PALM: variants seen among roughly 807,000 people sequenced by gnomAD.
The protein encoded by PALM is paralemmin.
PALM carries 18 observed loss-of-function variants against 30.7 expected under a neutral mutation model. That is an observed-to-expected ratio of 0.59 (90% CI 0.41 to 0.87). The LOEUF (loss-of-function observed/expected upper bound fraction) is 0.87, where lower values mean the gene tolerates loss of function less well. Ranked by LOEUF, PALM falls within the 40% of genes least tolerant of loss-of-function variation. The pLI is 0.00. For missense variants in PALM, 529 were observed against 555.4 expected (o/e 0.95, Z 0.48); for synonymous variants, 286 against 242.8 (o/e 1.18, Z -1.66).
chr19:731,483 C>G (rs1172350415), intron 5 of PALM, among the ~76,000 whole-genome samples: 1 of 115,102 alleles, frequency 8.7e-6, no homozygotes, highest in African/African-American at 3.5e-5. Flanking sequence ...GAGCAGCCAC[C>G]GCTGGGGGCA....
chr19:719,566 C>T lies in PALM; in HGVS notation c.6-6572C>T, dbSNP rs537569185. 1.2e-5 allele frequency: 12 copies of T among 986,484 alleles called. No homozygotes were observed. The South Asian group carries it at 4.7e-4, about 39-fold the overall frequency. 61.1% of individuals were successfully genotyped at this position (986,484 alleles called of 1,614,324 possible). The stretch of plus-strand genomic sequence containing the variant: ...CCAGCACCTGCCCCGGGACCCCCAG[C>T]ACCTGCCCTGGGACCCCCAGCAGCA... On this transcript the variant is annotated intron_variant, in intron 1 of 8. Coordinates refer to ENST00000338448, the MANE Select transcript of PALM (RefSeq NM_002579.3).
At chr19:727,226 G>A (rs113794178) in intron 3 of PALM, 138 bp downstream of exon 3, 7,819 of 494,458 alleles carry the variant, frequency 0.016, 367 homozygotes, top group African/African-American at 0.14. Flanking sequence ...CCCTGACCCC[G>A]ACCCTGACCC....
intron 1 of PALM, among the ~76,000 whole-genome samples, chr19:713,255 T>C (rs2032143906): frequency 6.6e-6 from 1 of 152,070 alleles, no homozygotes; most frequent in Admixed American, 6.6e-5. Flanking sequence ...GACGGTGGCC[T>C]TGTCGGTGGT....
intron 1 of PALM, among the ~76,000 whole-genome samples, chr19:721,454 C>T (rs1359526426): frequency 1.3e-5 from 2 of 150,842 alleles, no homozygotes; most frequent in East Asian, 3.9e-4. Flanking sequence ...TTAGTAGAGA[C>T]TGGGTTTTGC....
chr19:716,874 C>T (rs2032278944), intron 1 of PALM, among the ~76,000 whole-genome samples: 1 of 152,132 alleles, frequency 6.6e-6, no homozygotes, highest in African/African-American at 2.4e-5. Context: ...ATTTCACACG[C>T]TACACAGTCT....
At chr19:732,420 C>T (rs761510405) in intron 5 of PALM, among the ~76,000 whole-genome samples, 3 of 152,210 alleles carry the variant, frequency 2.0e-5, no homozygotes, top group Non-Finnish European at 4.4e-5. Flanking sequence ...CTTGGCCGGG[C>T]TTAGTGGCTC....
At chr19:710,352 C>A (rs545105576) in intron 1 of PALM, among the ~76,000 whole-genome samples, 3 of 152,180 alleles carry the variant, frequency 2.0e-5, no homozygotes, top group East Asian at 3.9e-4. Flanking sequence ...CCCGTCACCC[C>A]GCCCCGGGAG....
At chr19:733,384 T>C (rs1237292051) in intron 5 of PALM, among the ~76,000 whole-genome samples, 1 of 151,172 alleles carries the variant, frequency 6.6e-6, no homozygotes, top group Non-Finnish European at 1.5e-5. Flanking sequence ...GAGGGAAGAG[T>C]GCACTGAGGG....
At chr19:713,755 T>A (rs1462529904) in intron 1 of PALM, among the ~76,000 whole-genome samples, 1 of 151,800 alleles carries the variant, frequency 6.6e-6, no homozygotes, top group Non-Finnish European at 1.5e-5. Flanking sequence ...ATTTTTTGTA[T>A]ATTTTTAGTA....
chr19:742,933 G>T lies in PALM; in HGVS notation c.634+2450G>T, dbSNP rs2033233950. Among the ~76,000 whole-genome samples the T allele has an allele frequency of 6.6e-6, 1 of 152,152 alleles. No individual in the cohort carries two copies. The highest frequency in any genetic ancestry group is 2.1e-4 in the South Asian group (1 of 4,832). On this transcript the variant is annotated intron_variant, in intron 8 of 8. Transcript: ENST00000338448. The surrounding 1 kb of genome is among the most constrained non-coding windows in gnomAD (Gnocchi z 5.5). ...GTGTACACGTAGGAGTGAACTGCTG[G>T]GTCCTGAGGCGACTGTGTGGAGCTC...
At chr19:716,886 G>T (rs1180405721) in intron 1 of PALM, among the ~76,000 whole-genome samples, 1 of 151,980 alleles carries the variant, frequency 6.6e-6, no homozygotes, top group Non-Finnish European at 1.5e-5. Flanking sequence ...ACACAGTCTG[G>T]CTGCTTAAAG....
At chr19:728,928 C>T (rs937360535) in intron 4 of PALM, among the ~76,000 whole-genome samples, 7 of 152,010 alleles carry the variant, frequency 4.6e-5, no homozygotes, top group East Asian at 1.9e-4. Flanking sequence ...GGCGTGAACC[C>T]GGGAGGCGGA....
At chr19:728,726 A>G (rs8100788) in intron 4 of PALM, among the ~76,000 whole-genome samples, 3,543 of 152,090 alleles carry the variant, frequency 0.023, 127 homozygotes, top group African/African-American at 0.079. Context: ...GAAGAAGGCC[A>G]GGCGCGGTGG....
Position 746,083 on chromosome 19 carries a change from A to T in PALM, c.635-202A>T, listed in dbSNP as rs118184473. On this transcript the variant is annotated intron_variant, in intron 8 of 8. Coordinates refer to ENST00000338448, the MANE Select transcript of PALM (RefSeq NM_002579.3). This position sits in a 1 kb window ranked among gnomAD's most constrained non-coding sequence, Gnocchi z 7.1. The stretch of plus-strand genomic sequence containing the variant: ...AAAAAAAATTTTTTTTCCTCATTGT[A>T]CGGCATTGGCTGCATCCACAGATGC... Among the ~76,000 whole-genome samples the T allele has an allele frequency of 3.0e-4, 46 of 152,254 alleles. No homozygotes were observed. The highest frequency in any genetic ancestry group is 1.0e-3 in the South Asian group (5 of 4,822).
rs1172241852 is a variant in PALM, at chr19:742,225, G to A, written c.634+1742G>A. Among the ~76,000 whole-genome samples, 10 of 152,074 alleles carry A rather than the reference G, an allele frequency of 6.6e-5. No homozygotes were observed. In the South Asian group the frequency reaches 1.5e-3, roughly 22 times the overall value. On this transcript the variant is annotated intron_variant, in intron 8 of 8. Transcript: ENST00000338448. The surrounding 1 kb of genome is among the most constrained non-coding windows in gnomAD (Gnocchi z 5.5). ...ACTTCCTGTCCCCTCCCCAGTCAGC[G>A]TCACTCCCTATCCCCTCCCCAGCTC... is the stretch of plus-strand genomic sequence containing the variant.
At chr19:712,084 G>T (rs770163661) in intron 1 of PALM, among the ~76,000 whole-genome samples, 2 of 151,610 alleles carry the variant, frequency 1.3e-5, no homozygotes, top group Non-Finnish European at 2.9e-5. Context: ...GTGCAGTGCT[G>T]CGATCTCCAC....
At position 709,074 on chromosome 19, in the gene PALM, C is replaced by A. The variant is rs1411218055; in HGVS notation, c.-73C>A. ...CCCCGCCAGGCCGCGTCCCCCTCCC[C>A]TCCCCTCCCCCGCGCGCCACCCGCG... On this transcript the variant is annotated 5_prime_UTR_variant, in exon 1 of 9. Coordinates refer to ENST00000338448, the MANE Select transcript of PALM (RefSeq NM_002579.3). The surrounding 1 kb of genome is among the most constrained non-coding windows in gnomAD (Gnocchi z 4.3). The A allele has an allele frequency of 8.3e-6, 2 of 241,762 alleles. No individual in the cohort carries two copies. Among genetic ancestry groups the A allele is most frequent in the South Asian group, 1.6e-4 (1 of 6,410 alleles). The allele number at this position is 241,762 out of a possible 1,614,324, so 15.0% of individuals were successfully genotyped here.
At chr19:730,898 C>T (rs1167478015) in intron 4 of PALM, among the ~76,000 whole-genome samples, 197 bp from the exon 5 acceptor site, 1 of 151,990 alleles carries the variant, frequency 6.6e-6, no homozygotes, top group Non-Finnish European at 1.5e-5. Context: ...CTACTCGAGA[C>T]CCTGAGGCAG....
In PALM at chr19:747,187, G is replaced by A. The variant is rs1234076597; in HGVS notation, c.*373G>A. ...GCCCAGGCCAGCCTGCCACCCTCTG[G>A]GCCTCCTACCTGTGCCTTTCTCTGA... On this transcript the variant is annotated 3_prime_UTR_variant, in exon 9 of 9. Coordinates refer to ENST00000338448, the MANE Select transcript of PALM (RefSeq NM_002579.3). The A allele has an allele frequency of 4.7e-6, 1 of 212,412 alleles. No homozygotes were observed. The highest frequency in any genetic ancestry group is 5.5e-5 in the Admixed American group (1 of 18,316). 13.2% of individuals were successfully genotyped at this position (212,412 alleles called of 1,614,324 possible). A position where few individuals can be genotyped will look rare whatever the true frequency, so the allele number is the denominator to read the frequency against.
Sources: allele counts gnomAD v4.1 joint callset (sites outside exome capture counted in the v4.1 genomes callset), GRCh38; gene constraint gnomAD v4.1.1; non-coding constraint Gnocchi (gnomAD v3.1); transcripts MANE v1.5; gene names NCBI Gene and HGNC (gene_info 2026-07-23, HGNC 2026-07-21).